TIGAR: variants seen among roughly 807,000 people sequenced by gnomAD.
TIGAR encodes fructose-2,6-bisphosphatase TIGAR.
Under a neutral mutation model 17.9 loss-of-function variants are expected in TIGAR, and 7 were observed. The ratio of observed to expected loss-of-function variants is 0.39; its 90% CI spans 0.22 to 0.73. The LOEUF (loss-of-function observed/expected upper bound fraction) is 0.73. Among genes scored for constraint, TIGAR ranks in the 30% least tolerant of loss-of-function variants. The pLI, the probability that TIGAR is intolerant of heterozygous loss-of-function variation, is 0.42. For synonymous variants in TIGAR, 94 were observed against 108.6 expected (o/e 0.87, Z 0.84); for missense variants, 258 against 327.4 (o/e 0.79, Z 1.64).
intron 5 of TIGAR, 140 bp downstream of exon 5, chr12:4,351,517 C>T (rs543504307): frequency 4.5e-6 from 3 of 659,632 alleles, no homozygotes; most frequent in Non-Finnish European, 7.8e-6. Context: ...GCAAATTATT[C>T]TTTTCTATTT....
At chr12:4,340,623 A>T (rs1158584284) in intron 3 of TIGAR, among the ~76,000 whole-genome samples, 1 of 152,232 alleles carries the variant, frequency 6.6e-6, no homozygotes, top group South Asian at 2.1e-4. Flanking sequence ...AATTGGAAGA[A>T]TCACAGTACC....
At chr12:4,331,342 T>C in intron 2 of TIGAR, 25 bp downstream of exon 2, 1 of 1,602,538 alleles carries the variant, frequency 6.2e-7, no homozygotes, top group East Asian at 2.2e-5. Flanking sequence ...ATTGTTATTT[T>C]AGCTCTCACC....
chr12:4,336,496 TCACACACA>T (rs1480754939), intron 2 of TIGAR, among the ~76,000 whole-genome samples: 9 of 103,162 alleles, frequency 8.7e-5, no homozygotes, highest in Non-Finnish European at 1.9e-4. Context: ...ACACACACAC[TCACACACA>T]TACACCATTT....
rs894472570 is a variant in TIGAR, at chr12:4,321,999, T to TTTA, written c.32+698_32+699insATT. Among the ~76,000 whole-genome samples, 6 of 109,098 alleles carry TTTA rather than the reference T, an allele frequency of 5.5e-5. No individual in the cohort carries two copies. The highest frequency in any genetic ancestry group is 1.7e-4 in the African/African-American group (5 of 29,470). 71.6% of individuals were successfully genotyped at this position (109,098 alleles called of 152,430 possible). The stretch of plus-strand genomic sequence containing the variant: ...TTAAGAGCACAGATTTTTATTTTTA[T>TTTA]TTTTTTTTTTTTGTGAGATGGAGCC... On this transcript the variant is annotated intron_variant, in intron 1 of 5. Coordinates refer to ENST00000179259, the MANE Select transcript of TIGAR (RefSeq NM_020375.3). The surrounding 1 kb of genome is among the most constrained non-coding windows in gnomAD (Gnocchi z 5.2).
At chr12:4,351,498 A>G (rs1864838223) in intron 5 of TIGAR, 121 bp downstream of exon 5, 4 of 707,358 alleles carry the variant, frequency 5.7e-6, no homozygotes, top group East Asian at 5.5e-5. Context: ...TAAATTATCT[A>G]TTTACTTAGC....
intron 3 of TIGAR, among the ~76,000 whole-genome samples, chr12:4,343,184 C>A (rs538939808): frequency 4.1e-4 from 62 of 151,870 alleles, no homozygotes; most frequent in African/African-American, 1.3e-3. Context: ...GAAGTGCTAA[C>A]TATCTTAAAT....
chr12:4,332,238 C>CTTTTCTTTTTTT (rs1555092397), intron 2 of TIGAR, among the ~76,000 whole-genome samples: 21 of 95,330 alleles, frequency 2.2e-4, no homozygotes, highest in African/African-American at 8.5e-4. Flanking sequence ...TCATGTATTT[C>CTTTTCTTTTTTT]TTTTTTTTTT....
chr12:4,338,309 G>A (rs1354939115), intron 3 of TIGAR, among the ~76,000 whole-genome samples: 2 of 152,160 alleles, frequency 1.3e-5, no homozygotes, highest in Admixed American at 1.3e-4. Context: ...TTTGGGCACT[G>A]TGGGCCTATG....
chr12:4,349,230 T>C (rs1864812040), intron 3 of TIGAR, among the ~76,000 whole-genome samples: 1 of 152,212 alleles, frequency 6.6e-6, no homozygotes, highest in East Asian at 1.9e-4. Flanking sequence ...CAACTGTGCA[T>C]GAATGAATGC....
chr12:4,341,909 A>G (rs1238884753), intron 3 of TIGAR, among the ~76,000 whole-genome samples: 1 of 152,262 alleles, frequency 6.6e-6, no homozygotes, highest in African/African-American at 2.4e-5. Context: ...GAGCTGAGAG[A>G]AGAAAGCTTC....
At chr12:4,337,305 AC>A in intron 3 of TIGAR, 145 bp downstream of exon 3, 1 of 520,988 alleles carries the variant, frequency 1.9e-6, no homozygotes, top group South Asian at 3.4e-5. Flanking sequence ...AGCTGGGATT[AC>A]AGGTGTGTGC....
At chr12:4,342,400 T>C (rs1864733329) in intron 3 of TIGAR, among the ~76,000 whole-genome samples, 1 of 152,036 alleles carries the variant, frequency 6.6e-6, no homozygotes, top group East Asian at 1.9e-4. Context: ...ACAAAGATAC[T>C]CCTCAAGAAG....
At chr12:4,350,860 T>A (rs1357764887) in intron 4 of TIGAR, among the ~76,000 whole-genome samples, 1 of 152,222 alleles carries the variant, frequency 6.6e-6, no homozygotes, top group Admixed American at 6.5e-5. Context: ...TATGGTGATA[T>A]ATTTATTTAG....
At chr12:4,325,259 G>T (rs1212848201) in intron 1 of TIGAR, among the ~76,000 whole-genome samples, 1 of 122,920 alleles carries the variant, frequency 8.1e-6, no homozygotes, top group Non-Finnish European at 1.7e-5. Flanking sequence ...TAAAGTTACT[G>T]ATAGCAAAAC....
rs1156775158 is a variant in TIGAR, at chr12:4,353,251, A to G, written c.*560A>G. 1 of 152,548 alleles carries G rather than the reference A, an allele frequency of 6.6e-6. No homozygotes were observed. The highest frequency in any genetic ancestry group is 1.5e-5 in the Non-Finnish European group (1 of 68,284). The allele number at this position is 152,548 out of a possible 1,614,324, so 9.4% of individuals were successfully genotyped here. Reference sequence around the variant, plus strand: ...TAGAGGGCTTGAAATGTGGATGAATACAGATTATGATTGCAGAATGGTCTG... The same window carrying G: ...TAGAGGGCTTGAAATGTGGATGAATGCAGATTATGATTGCAGAATGGTCTG... On this transcript the variant is annotated 3_prime_UTR_variant, in exon 6 of 6. Transcript: ENST00000179259.
chr12:4,325,324 T>C (rs901570692), intron 1 of TIGAR, among the ~76,000 whole-genome samples: 1 of 152,220 alleles, frequency 6.6e-6, no homozygotes, highest in African/African-American at 2.4e-5. Flanking sequence ...ATGCTAATAA[T>C]TGTTCTGTAT....
chr12:4,346,002 A>G (rs1864775768), intron 3 of TIGAR, among the ~76,000 whole-genome samples: 1 of 152,276 alleles, frequency 6.6e-6, no homozygotes, highest in Admixed American at 6.5e-5. Context: ...GACAGATGAA[A>G]AAATGCTCAT....
At position 4,359,804 on chromosome 12, in the gene TIGAR, T is replaced by C. The variant is rs922528546; in HGVS notation, c.*7113T>C. Among the ~76,000 whole-genome samples the C allele has an allele frequency of 1.3e-5, 2 of 152,324 alleles. No homozygotes were observed. The highest frequency in any genetic ancestry group is 2.1e-4 in the South Asian group (1 of 4,830). ...CTTGCCAGATCTTTTTCCATGGTGG[T>C]TGTACCATTTCATGCTTATCAACAA... On this transcript the variant is annotated 3_prime_UTR_variant, in exon 6 of 6. Coordinates refer to ENST00000179259, the MANE Select transcript of TIGAR (RefSeq NM_020375.3).
At chr12:4,338,132 TAAA>T (rs1205444610) in intron 3 of TIGAR, among the ~76,000 whole-genome samples, 1 of 78,836 alleles carries the variant, frequency 1.3e-5, no homozygotes, top group Non-Finnish European at 2.6e-5. Context: ...GTCTCGAAAA[TAAA>T]AAAAAAGTAA....
Sources: allele counts gnomAD v4.1 joint callset (sites outside exome capture counted in the v4.1 genomes callset), GRCh38; gene constraint gnomAD v4.1.1; non-coding constraint Gnocchi (gnomAD v3.1); transcripts MANE v1.5; gene names NCBI Gene and HGNC (gene_info 2026-07-23, HGNC 2026-07-21).